DYM: variants seen among roughly 807,000 people sequenced by gnomAD.
DYM encodes dymeclin.
A neutral mutation model predicts 93.1 loss-of-function variants in DYM; 78 were observed. That is an observed-to-expected ratio of 0.84 (90% CI 0.70 to 1.01). The LOEUF is 1.01. Ranked by LOEUF, DYM falls within the 50% of genes least tolerant of loss-of-function variation. The pLI, the probability that DYM is intolerant of heterozygous loss-of-function variation, is 0.00. For missense variants in DYM, 789 were observed against 845.0 expected (o/e 0.93, Z 0.82); for synonymous variants, 321 against 319.7 (o/e 1.00, Z -0.04).
chr18:49,427,820 T>A (rs1312616346), intron 2 of DYM, among the ~76,000 whole-genome samples: 1 of 152,214 alleles, frequency 6.6e-6, no homozygotes, highest in African/African-American at 2.4e-5. Flanking sequence ...CAGTGGCTCA[T>A]GCTTATAAAT....
In DYM at chr18:49,332,440, C is replaced by T. The variant is rs544271636; in HGVS notation, c.621-434G>A. Among the ~76,000 whole-genome samples, 104 of 152,126 alleles carry T rather than the reference C, an allele frequency of 6.8e-4. 2 individuals carry two copies. The highest frequency in any genetic ancestry group is 2.4e-3 in the African/African-American group (100 of 41,512). On this transcript the variant is annotated intron_variant, in intron 7 of 17. Transcript: ENST00000675505. ...GAACTCCAGTTACTTTATCTACATT[C>T]GGTATAACACTGTGAGCTATTATAA...
chr18:49,174,342 A>T (rs2089135454), intron 14 of DYM, among the ~76,000 whole-genome samples: 1 of 152,154 alleles, frequency 6.6e-6, no homozygotes, highest in Non-Finnish European at 1.5e-5. Flanking sequence ...TAATGAAGAC[A>T]GTATTATTAT....
intron 13 of DYM, among the ~76,000 whole-genome samples, chr18:49,226,167 T>C (rs1229110100): frequency 5.3e-5 from 8 of 152,180 alleles, no homozygotes; most frequent in East Asian, 1.9e-4. Context: ...GTAAGTCATA[T>C]GCACCAGGTA....
intron 11 of DYM, among the ~76,000 whole-genome samples, chr18:49,267,705 C>T (rs1176530768): frequency 1.3e-5 from 2 of 152,102 alleles, no homozygotes; most frequent in Admixed American, 6.6e-5. Flanking sequence ...ACCAGCCTGG[C>T]CAACATGGTG....
intron 16 of DYM, among the ~76,000 whole-genome samples, chr18:49,117,695 A>G (rs879037998): frequency 5.9e-5 from 9 of 152,270 alleles, no homozygotes; most frequent in Admixed American, 5.2e-4. Flanking sequence ...AACATTCTCA[A>G]ATCTGCTCTT....
In DYM at chr18:49,391,595, A is replaced by C; in HGVS notation, c.191T>G (p.Leu64Ter). Residue 64 changes from leucine to a stop codon, truncating the protein, a stop_gained and splice_region_variant, in exon 3 of 18, where the codon TTA becomes TGA. Coordinates refer to ENST00000675505, the MANE Select transcript of DYM (RefSeq NM_001353214.3). LOFTEE classifies it high-confidence loss of function. ...CCACACACATTTTTCCCACTTACCT[A>C]ATGACCTGCAGACTGAAATGGTTGC... ...EEATISVCRS[L>*]VENNPRTGNL... The C allele has an allele frequency of 6.2e-7, 1 of 1,613,480 alleles. No homozygotes were observed. The highest frequency in any genetic ancestry group is 8.5e-7 in the Non-Finnish European group (1 of 1,179,540).
chr18:49,067,085 C>T (rs1395026697), intron 17 of DYM, among the ~76,000 whole-genome samples: 5 of 123,152 alleles, frequency 4.1e-5, no homozygotes, highest in African/African-American at 1.2e-4. Context: ...AGATAATGAG[C>T]ACTATGGAAG....
At chr18:49,258,543 A>C in intron 11 of DYM, 50 bp from the exon 12 acceptor site, 1 of 1,147,330 alleles carries the variant, frequency 8.7e-7, no homozygotes, top group South Asian at 1.3e-5. Flanking sequence ...TTTACAGACA[A>C]AAGAATTACT....
intron 2 of DYM, among the ~76,000 whole-genome samples, chr18:49,398,132 T>C (rs1178403308): frequency 6.6e-6 from 1 of 152,236 alleles, no homozygotes; most frequent in Admixed American, 6.5e-5. Flanking sequence ...TTAAATTTTT[T>C]AAGTTTCACC....
At chr18:49,439,228 C>T (rs1160907727) in intron 1 of DYM, among the ~76,000 whole-genome samples, 1 of 152,134 alleles carries the variant, frequency 6.6e-6, no homozygotes, top group African/African-American at 2.4e-5. Flanking sequence ...TTGTTGGTAA[C>T]AATGATCCTT....
chr18:49,133,501 G>T (rs1246122134), intron 15 of DYM, among the ~76,000 whole-genome samples: 1 of 152,172 alleles, frequency 6.6e-6, no homozygotes, highest in Non-Finnish European at 1.5e-5. Context: ...AGCTGAGCAG[G>T]GTTCTTTTCT....
chr18:49,265,316 C>G (rs1235404157), intron 11 of DYM, among the ~76,000 whole-genome samples: 2 of 152,152 alleles, frequency 1.3e-5, no homozygotes, highest in African/African-American at 4.8e-5. Context: ...TGACAAAATC[C>G]TGAAAATTCT....
At chr18:49,443,194 T>C (rs1164476214) in intron 1 of DYM, among the ~76,000 whole-genome samples, 5 of 152,200 alleles carry the variant, frequency 3.3e-5, no homozygotes, top group African/African-American at 1.2e-4. Context: ...AAGAATATTT[T>C]GTGACATGTG....
At chr18:49,276,902 T>C (rs1398377951) in intron 10 of DYM, among the ~76,000 whole-genome samples, 1 of 152,060 alleles carries the variant, frequency 6.6e-6, no homozygotes, top group African/African-American at 2.4e-5. Flanking sequence ...TAGTAAGAGA[T>C]GAAGGCAGCT....
intron 16 of DYM, among the ~76,000 whole-genome samples, chr18:49,100,551 G>T (rs2080030879): frequency 6.6e-6 from 1 of 152,084 alleles, no homozygotes; most frequent in South Asian, 2.1e-4. Context: ...TTTCAAACTG[G>T]TTCTCATTTG....
At chr18:49,131,472 G>T (rs559626353) in intron 15 of DYM, among the ~76,000 whole-genome samples, 2 of 152,108 alleles carry the variant, frequency 1.3e-5, no homozygotes, top group East Asian at 1.9e-4. Flanking sequence ...CAATCCACTC[G>T]CTTTGGCCTC....
rs941260297 is a variant in DYM, at chr18:49,233,371, G to GA, written c.1460+23638dup. Reference sequence around the variant, plus strand: ...AAGATTCCATCAAAAAAAAAAAAAAGAAAAAAAACACCTTTCGCAGAACAG... The same window carrying GA: ...AAGATTCCATCAAAAAAAAAAAAAAGAAAAAAAAACACCTTTCGCAGAACAG... On this transcript the variant is annotated intron_variant, in intron 13 of 17. Transcript: ENST00000675505. Among the ~76,000 whole-genome samples, 83 of 143,650 alleles carry GA rather than the reference G, an allele frequency of 5.8e-4. 1 individual carries two copies. The highest frequency in any genetic ancestry group is 5.0e-3 in the Admixed American group (73 of 14,520). 94.2% of individuals were successfully genotyped at this position (143,650 alleles called of 152,430 possible).
chr18:49,322,377 C>G lies in DYM; in HGVS notation c.763+9487G>C, dbSNP rs566082686. On this transcript the variant is annotated intron_variant, in intron 8 of 17. Transcript: ENST00000675505. Reference sequence around the variant, plus strand: ...AATTATAATGACATTACAGCTTTGTCTTATAACTTAAAACACAGAAGAAAT... The same window carrying G: ...AATTATAATGACATTACAGCTTTGTGTTATAACTTAAAACACAGAAGAAAT... 4.5e-4 allele frequency among the ~76,000 whole-genome samples: 69 copies of G among 151,922 alleles called. 2 individuals carry two copies. The South Asian group carries it at 0.013, about 29-fold the overall frequency.
At chr18:49,388,545 T>C (rs555466448) in intron 3 of DYM, among the ~76,000 whole-genome samples, 1 of 151,834 alleles carries the variant, frequency 6.6e-6, no homozygotes, top group South Asian at 2.1e-4. Flanking sequence ...AAATTTTATA[T>C]ATAAACACAT....
Sources: gnomAD v4.1 joint callset for allele counts (sites outside exome capture counted in the v4.1 genomes callset) on GRCh38, gnomAD v4.1.1 for gene constraint, MANE v1.5 for transcripts, NCBI Gene and HGNC (gene_info 2026-07-23, HGNC 2026-07-21) for gene names.